SENP5: variants seen among roughly 807,000 people sequenced by gnomAD.
SENP5 encodes the protein sentrin-specific protease 5.
Under a neutral mutation model 74.2 loss-of-function variants are expected in SENP5, and 21 were observed. The ratio of observed to expected loss-of-function variants is 0.28; its 90% CI spans 0.20 to 0.41. SENP5 has a LOEUF of 0.41. Ranked by LOEUF, SENP5 falls within the 10% of genes least tolerant of loss-of-function variation. The probability of loss-of-function intolerance (pLI) is 1.00; values close to 1 mark genes in which losing one functional copy is unlikely to be tolerated. For synonymous variants in SENP5, 311 were observed against 312.7 expected (o/e 0.99, Z 0.06); for missense variants, 717 against 889.1 (o/e 0.81, Z 2.46).
chr3:196,896,532 A>G (rs185983139), intron 2 of SENP5, among the ~76,000 whole-genome samples: 140 of 152,196 alleles, frequency 9.2e-4, no homozygotes, highest in African/African-American at 3.3e-3. Context: ...TCGGCTCACT[A>G]CAGCCTCTGC....
intron 1 of SENP5, among the ~76,000 whole-genome samples, chr3:196,868,408 G>C (rs79757191): frequency 0.072 from 10,995 of 152,318 alleles, 421 homozygotes; most frequent in Middle Eastern, 0.12. Context: ...AGCTCCGGCC[G>C]CCGTGGAAGT....
chr3:196,893,941 A>G (rs1714324210), intron 2 of SENP5, among the ~76,000 whole-genome samples: 2 of 151,904 alleles, frequency 1.3e-5, no homozygotes, highest in Admixed American at 6.6e-5. Context: ...AGTGTGTTTA[A>G]GAAATACATG....
intron 6 of SENP5, among the ~76,000 whole-genome samples, chr3:196,910,376 T>G: frequency 8.7e-6 from 1 of 115,014 alleles, no homozygotes; most frequent in Non-Finnish European, 1.7e-5. Context: ...AGATGGAGTC[T>G]CGCTCCATTG....
chr3:196,900,970 A>T (rs1714677727), intron 5 of SENP5, among the ~76,000 whole-genome samples: 1 of 151,768 alleles, frequency 6.6e-6, no homozygotes, highest in Admixed American at 6.6e-5. Context: ...GTTTGTTGAT[A>T]TCTGGAGAGG....
chr3:196,934,215 A>C lies in SENP5; in HGVS notation c.*3292A>C, dbSNP rs1716158489. The C allele has an allele frequency of 6.6e-6, 1 of 152,216 alleles. No homozygotes were observed. The highest frequency in any genetic ancestry group is 1.5e-5 in the Non-Finnish European group (1 of 68,046). The allele number at this position is 152,216 out of a possible 1,614,324, so 9.4% of individuals were successfully genotyped here. The stretch of plus-strand genomic sequence containing the variant: ...TATTTTCTACATAGCACTGAATCTG[A>C]GTAACAGTCATCCTGGATTTATAGT... On this transcript the variant is annotated 3_prime_UTR_variant, in exon 10 of 10. Coordinates refer to ENST00000323460, the MANE Select transcript of SENP5 (RefSeq NM_152699.5).
Position 196,900,301 on chromosome 3 carries a change from T to A in SENP5, c.1759-64T>A, listed in dbSNP as rs2108836624. ...GTAGCCTGGTTTTATTTATTTATTT[T>A]GTTTTTCTTTCTCCAACTTAACTGG... On this transcript the variant is annotated intron_variant, in intron 4 of 9. Transcript: ENST00000323460. 33 of 1,455,606 alleles carry A rather than the reference T, an allele frequency of 2.3e-5. No individual in the cohort carries two copies. In the South Asian group the frequency reaches 4.1e-4, roughly 18 times the overall value. The allele number at this position is 1,455,606 out of a possible 1,614,324, so 90.2% of individuals were successfully genotyped here.
chr3:196,874,761 C>T (rs999448413), intron 1 of SENP5, among the ~76,000 whole-genome samples: 6 of 152,126 alleles, frequency 3.9e-5, no homozygotes, highest in African/African-American at 1.4e-4. Flanking sequence ...TGCCTGTAAT[C>T]CCAGCCACTT....
chr3:196,930,973 G>A lies in SENP5; in HGVS notation c.*50G>A. 1 of 1,166,436 alleles carries A rather than the reference G, an allele frequency of 8.6e-7. No individual in the cohort carries two copies. The highest frequency in any genetic ancestry group is 1.2e-5 in the South Asian group (1 of 81,232). 72.3% of individuals were successfully genotyped at this position (1,166,436 alleles called of 1,614,324 possible). A position where few individuals can be genotyped will look rare whatever the true frequency, so the allele number is the denominator to read the frequency against. On this transcript the variant is annotated 3_prime_UTR_variant, in exon 10 of 10. Transcript: ENST00000323460. ...CTGACCAAGTTGGAGCAGATGGTTTGTTACTTGAATCTCCAAACACTTAGT... is the reference window on the plus strand; with the variant it reads ...CTGACCAAGTTGGAGCAGATGGTTTATTACTTGAATCTCCAAACACTTAGT...
At chr3:196,869,643 C>T (rs1713117530) in intron 1 of SENP5, among the ~76,000 whole-genome samples, 2 of 150,782 alleles carry the variant, frequency 1.3e-5, no homozygotes, top group South Asian at 4.2e-4. Flanking sequence ...GCCTGTAATC[C>T]CAGCTACTCG....
Position 196,903,604 on chromosome 3 carries a change from T to A in SENP5, c.1878T>A (p.Thr626=). 6.3e-7 allele frequency: 1 copy of A among 1,577,148 alleles called. No individual in the cohort carries two copies. Among genetic ancestry groups the A allele is most frequent in the Non-Finnish European group, 8.6e-7 (1 of 1,158,340 alleles). ...TKGYNGVKRW[T]KKVDLFKKSL... is the part of the protein sequence containing the mutation. ...GATATAATGGAGTAAAAAGATGGAC[T>A]AAAAAGGTATTCTCTTTATTTCTTT... The change falls in exon 6 of 10, where the codon ACT becomes ACA. Residue 626 remains threonine, a synonymous_variant. Transcript: ENST00000323460.
intron 1 of SENP5, among the ~76,000 whole-genome samples, chr3:196,879,108 T>C (rs1169928479): frequency 1.3e-5 from 2 of 152,200 alleles, no homozygotes; most frequent in African/African-American, 4.8e-5. Context: ...CATTGTTGTG[T>C]TTATTGCATG....
At chr3:196,881,148 A>T (rs753408634) in intron 1 of SENP5, among the ~76,000 whole-genome samples, 11 of 151,686 alleles carry the variant, frequency 7.3e-5, no homozygotes, top group Non-Finnish European at 1.3e-4. Context: ...GGGTTTCATC[A>T]TGTTGCCCAG....
At chr3:196,879,030 C>A (rs752874443) in intron 1 of SENP5, among the ~76,000 whole-genome samples, 3 of 152,206 alleles carry the variant, frequency 2.0e-5, no homozygotes, top group Non-Finnish European at 4.4e-5. Context: ...CTCCAAGATA[C>A]CACTGTATCT....
intron 6 of SENP5, among the ~76,000 whole-genome samples, chr3:196,906,226 G>GA (rs953205211): frequency 6.6e-6 from 1 of 151,080 alleles, no homozygotes; most frequent in African/African-American, 2.5e-5. Flanking sequence ...TAAAAAAAAA[G>GA]AAAAAAAGAC....
In SENP5 at chr3:196,908,693, C is replaced by T. The variant is rs540904544; in HGVS notation, c.1884+5083C>T. Among the ~76,000 whole-genome samples the T allele has an allele frequency of 7.2e-5, 11 of 152,278 alleles. No homozygotes were observed. The South Asian group carries it at 2.3e-3, about 32-fold the overall frequency. ...ACAAAATTGGCTGGGTGTGGTGGCA[C>T]ATGCCTGTAATCCCAGCTACTTGGG... On this transcript the variant is annotated intron_variant, in intron 6 of 9. Coordinates refer to ENST00000323460, the MANE Select transcript of SENP5 (RefSeq NM_152699.5).
intron 1 of SENP5, among the ~76,000 whole-genome samples, chr3:196,872,808 A>G (rs1416802661): frequency 6.6e-6 from 1 of 152,212 alleles, no homozygotes; most frequent in African/African-American, 2.4e-5. Flanking sequence ...GGCAGAGCAG[A>G]TATAGAATAT....
intron 2 of SENP5, among the ~76,000 whole-genome samples, chr3:196,895,187 CTTCT>C (rs1479277715): frequency 3.0e-5 from 4 of 134,822 alleles, no homozygotes; most frequent in Non-Finnish European, 6.3e-5. Context: ...CTACTTTTAA[CTTCT>C]TTTTTTTTTT....
intron 2 of SENP5, among the ~76,000 whole-genome samples, chr3:196,891,649 A>G (rs1486717225): frequency 6.6e-6 from 1 of 152,168 alleles, no homozygotes; most frequent in East Asian, 1.9e-4. Context: ...AAAAAATAAA[A>G]TTATCTGCAT....
chr3:196,890,486 G>A (rs1175074957), intron 2 of SENP5, among the ~76,000 whole-genome samples: 1 of 152,188 alleles, frequency 6.6e-6, no homozygotes, highest in Non-Finnish European at 1.5e-5. Context: ...TGAAATATGA[G>A]TGTAAGAAGA....
Sources: gnomAD v4.1 joint callset for allele counts (sites outside exome capture counted in the v4.1 genomes callset) on GRCh38, gnomAD v4.1.1 for gene constraint, MANE v1.5 for transcripts, NCBI Gene and HGNC (gene_info 2026-07-23, HGNC 2026-07-21) for gene names.